SPATA17: variants seen among roughly 807,000 people sequenced by gnomAD.
SPATA17 encodes spermatogenesis associated 17, also known as spermatogenesis-associated protein 17.
A neutral mutation model predicts 62.2 loss-of-function variants in SPATA17; 53 were observed. The ratio of observed to expected loss-of-function variants is 0.85; its 90% CI spans 0.68 to 1.07. SPATA17 has a LOEUF of 1.07. SPATA17 is among the 50% of genes least tolerant of loss of function. SPATA17 has a pLI of 0.00. For missense variants in SPATA17, 466 were observed against 425.5 expected, an observed-to-expected ratio of 1.10 and a Z score of -0.84; for synonymous variants, 146 against 146.8, an observed-to-expected ratio of 0.99 and a Z score of 0.04.
At chr1:217,639,215 A>T (rs1194616958) in intron 1 of SPATA17, among the ~76,000 whole-genome samples, 15 of 152,282 alleles carry the variant, frequency 9.9e-5, no homozygotes, top group Middle Eastern at 6.8e-3. Flanking sequence ...CTGGACAGAA[A>T]ATAAAAATAG....
chr1:217,710,432 T>A (rs1671832983), intron 5 of SPATA17, among the ~76,000 whole-genome samples: 1 of 152,134 alleles, frequency 6.6e-6, no homozygotes. Flanking sequence ...TTAAGATCAG[T>A]GTAATATATT....
chr1:217,780,085 AG>A (rs1673697840), intron 7 of SPATA17, among the ~76,000 whole-genome samples: 1 of 152,156 alleles, frequency 6.6e-6, no homozygotes, highest in Admixed American at 6.6e-5. Context: ...AAAGTTTGAT[AG>A]GTGAAAGATA....
chr1:217,830,267 A>AT (rs1057296957), intron 9 of SPATA17, among the ~76,000 whole-genome samples: 53 of 152,166 alleles, frequency 3.5e-4, no homozygotes, highest in African/African-American at 1.2e-3. Context: ...GGTGTGTAAT[A>AT]TTTTTTTAAC....
chr1:217,781,961 G>GT (rs578154106), intron 7 of SPATA17, among the ~76,000 whole-genome samples: 1 of 152,076 alleles, frequency 6.6e-6, no homozygotes, highest in African/African-American at 2.4e-5. Flanking sequence ...TAATTTTAAA[G>GT]TTTTTTAATG....
At chr1:217,838,793 G>A (rs1030243245) in intron 9 of SPATA17, among the ~76,000 whole-genome samples, 1 of 152,052 alleles carries the variant, frequency 6.6e-6, no homozygotes, top group East Asian at 1.9e-4. Context: ...TTCTAAATAT[G>A]TAGGTAAAAT....
intron 1 of SPATA17, among the ~76,000 whole-genome samples, chr1:217,642,178 A>G (rs1425598349): frequency 6.6e-6 from 1 of 152,204 alleles, no homozygotes; most frequent in Non-Finnish European, 1.5e-5. Flanking sequence ...CATTTAGATC[A>G]CTTGATAAAG....
At position 217,728,723 on chromosome 1, in the gene SPATA17, T is replaced by A. The variant is rs964306329; in HGVS notation, c.396-13252T>A. 7.2e-5 allele frequency among the ~76,000 whole-genome samples: 11 copies of A among 152,304 alleles called. No individual in the cohort carries two copies. The South Asian group carries it at 1.4e-3, about 20-fold the overall frequency. On this transcript the variant is annotated intron_variant, in intron 5 of 10. Coordinates refer to ENST00000366933, the MANE Select transcript of SPATA17 (RefSeq NM_138796.4). ...GTTCATTCAATAAATAGGTAAACTG[T>A]CAGGTAGCTTCCCTAAGTGGGCTGT...
chr1:217,812,677 A>C (rs1674620313), intron 9 of SPATA17, among the ~76,000 whole-genome samples: 1 of 152,244 alleles, frequency 6.6e-6, no homozygotes, highest in Non-Finnish European at 1.5e-5. Context: ...TCTACCCGTC[A>C]GTCATTATTA....
chr1:217,775,133 A>G lies in SPATA17; in HGVS notation c.723+596A>G, dbSNP rs374709803. 2.0e-5 allele frequency among the ~76,000 whole-genome samples: 3 copies of G among 152,282 alleles called. No individual in the cohort carries two copies. In the East Asian group the frequency reaches 5.8e-4, roughly 29 times the overall value. ...CCATCAACAGGGCACAAGGGTTCCA[A>G]TTTCTCCACATTCTTGTTGCAGTTT... is the stretch of plus-strand genomic sequence containing the variant. On this transcript the variant is annotated intron_variant, in intron 7 of 10. Coordinates refer to ENST00000366933, the MANE Select transcript of SPATA17 (RefSeq NM_138796.4).
At chr1:217,829,512 C>T (rs1675082386) in intron 9 of SPATA17, among the ~76,000 whole-genome samples, 1 of 150,890 alleles carries the variant, frequency 6.6e-6, no homozygotes, top group South Asian at 2.1e-4. Flanking sequence ...CCTGTAATCC[C>T]AGCTACTTGG....
At position 217,744,295 on chromosome 1, in the gene SPATA17, T is replaced by C. The variant is rs530038234; in HGVS notation, c.519+2197T>C. ...GGCTAAAACGGTGAAACCCCGTCTC[T>C]ACTAAAAATACAAAAAAATTAGCCG... On this transcript the variant is annotated intron_variant, in intron 6 of 10. Transcript: ENST00000366933. Among the ~76,000 whole-genome samples the C allele has an allele frequency of 1.0e-4, 10 of 99,336 alleles. 1 individual carries two copies. In the East Asian group the frequency reaches 2.1e-3, roughly 21 times the overall value. The allele number at this position is 99,336 out of a possible 152,430, so 65.2% of individuals were successfully genotyped here.
chr1:217,866,701 G>T (rs535918130), intron 10 of SPATA17: 1 of 152,198 alleles, frequency 6.6e-6, no homozygotes, highest in South Asian at 2.1e-4. Flanking sequence ...ATGAAGATCT[G>T]CAGTAGTGTA....
intron 7 of SPATA17, 39 bp downstream of exon 7, chr1:217,774,576 A>T (rs1024959580): frequency 6.4e-7 from 1 of 1,573,074 alleles, no homozygotes; most frequent in Non-Finnish European, 8.7e-7. Flanking sequence ...CATTAATTTT[A>T]TTCTTGCTAT....
chr1:217,787,857 T>C (rs1375028236), intron 8 of SPATA17, among the ~76,000 whole-genome samples: 2 of 152,154 alleles, frequency 1.3e-5, no homozygotes, highest in Non-Finnish European at 2.9e-5. Context: ...CTTATTAAAA[T>C]AAGACAGAAT....
intron 1 of SPATA17, among the ~76,000 whole-genome samples, chr1:217,641,266 G>C (rs1286573225): frequency 6.6e-6 from 1 of 152,036 alleles, no homozygotes; most frequent in African/African-American, 2.4e-5. Context: ...AGATTAACAA[G>C]ACAATTACCC....
At chr1:217,817,719 A>G (rs1027068816) in intron 9 of SPATA17, among the ~76,000 whole-genome samples, 19 of 152,108 alleles carry the variant, frequency 1.2e-4, no homozygotes, top group African/African-American at 4.6e-4. Flanking sequence ...CTACCTTTAA[A>G]TGGGCTATAT....
intron 6 of SPATA17, among the ~76,000 whole-genome samples, chr1:217,742,733 G>A (rs1274451195): frequency 6.6e-6 from 1 of 152,158 alleles, no homozygotes; most frequent in Non-Finnish European, 1.5e-5. Context: ...AAAAAAGCAT[G>A]AGTTTGGGGA....
intron 9 of SPATA17, among the ~76,000 whole-genome samples, chr1:217,806,376 C>T (rs1170539096): frequency 6.6e-6 from 1 of 152,042 alleles, no homozygotes; most frequent in Non-Finnish European, 1.5e-5. Flanking sequence ...GAGAGGCGGC[C>T]CCACTCTTTG....
intron 7 of SPATA17, among the ~76,000 whole-genome samples, chr1:217,776,255 G>A (rs886168240): frequency 3.9e-5 from 6 of 152,052 alleles, no homozygotes; most frequent in South Asian, 2.1e-4. Flanking sequence ...TAAAAGTCCC[G>A]GAGAGCCACA....
Sources: allele counts gnomAD v4.1 joint callset (sites outside exome capture counted in the v4.1 genomes callset), GRCh38; gene constraint gnomAD v4.1.1; transcripts MANE v1.5; gene names NCBI Gene and HGNC (gene_info 2026-07-23, HGNC 2026-07-21).